NLN: variants seen among roughly 807,000 people sequenced by gnomAD.
The protein encoded by NLN is neurolysin.
A neutral mutation model predicts 79.9 loss-of-function variants in NLN; 64 were observed. The ratio of observed to expected loss-of-function variants is 0.80; its 90% CI spans 0.65 to 0.99. The LOEUF is 0.99. Ranked by LOEUF, NLN falls within the 50% of genes least tolerant of loss-of-function variation. The probability of loss-of-function intolerance (pLI) is 0.00; values close to 1 mark genes in which losing one functional copy is unlikely to be tolerated. For missense variants in NLN, 835 were observed against 858.7 expected (o/e 0.97, Z 0.34); for synonymous variants, 267 against 296.6 (o/e 0.90, Z 1.02).
chr5:65,787,288 G>A (rs190955262), intron 7 of NLN, among the ~76,000 whole-genome samples: 8 of 151,140 alleles, frequency 5.3e-5, no homozygotes, highest in Non-Finnish European at 1.0e-4. Flanking sequence ...ACATACATGC[G>A]CACACACAGA....
chr5:65,783,215 A>G (rs1397094527), intron 6 of NLN, among the ~76,000 whole-genome samples: 1 of 152,200 alleles, frequency 6.6e-6, no homozygotes, highest in Non-Finnish European at 1.5e-5. Context: ...TTAGAAACAG[A>G]TGATGGTAGT....
chr5:65,758,609 A>C lies in NLN; in HGVS notation c.84A>C (p.Arg28Ser). The C allele has an allele frequency of 6.2e-7, 1 of 1,610,362 alleles. No individual in the cohort carries two copies. Among genetic ancestry groups the C allele is most frequent in the South Asian group, 1.1e-5 (1 of 90,972 alleles). Residue 28 changes from arginine (R) to serine (S), a missense_variant, in exon 2 of 13, where the codon AGA (arginine) becomes AGC (serine). Transcript: ENST00000380985. ...SRILLRMTLG[R>S]EVMSPLQAMS... is the part of the protein sequence containing the mutation. The stretch of plus-strand genomic sequence containing the variant: ...TTTTACTCAGAATGACGTTAGGAAG[A>C]GAAGTGATGTCTCCTCTTCAGGCAA...
At chr5:65,762,458 G>A (rs1212608778) in intron 2 of NLN, among the ~76,000 whole-genome samples, 2 of 152,184 alleles carry the variant, frequency 1.3e-5, no homozygotes, top group Non-Finnish European at 2.9e-5. Context: ...GCTGAGGTGG[G>A]AGGATGACTT....
intron 1 of NLN, among the ~76,000 whole-genome samples, chr5:65,745,788 T>G (rs756864769): frequency 6.6e-6 from 1 of 152,014 alleles, no homozygotes; most frequent in Non-Finnish European, 1.5e-5. Context: ...TGAAAGGGAG[T>G]GTCATGATCA....
chr5:65,772,134 A>G (rs1402662218), intron 3 of NLN, among the ~76,000 whole-genome samples: 3 of 152,134 alleles, frequency 2.0e-5, no homozygotes, highest in East Asian at 1.9e-4. Context: ...TAAAGCATCA[A>G]TTACCTTGGC....
Position 65,812,276 on chromosome 5 carries a change from T to G in NLN, c.1865T>G (p.Phe622Cys). 1 of 1,613,426 alleles carries G rather than the reference T, an allele frequency of 6.2e-7. No individual in the cohort carries two copies. The highest frequency in any genetic ancestry group is 1.1e-5 in the South Asian group (1 of 91,034). ...AAAGGCACAAATATGCCAGCTACCT[T>G]TGGACATTTGGCAGGGGGATACGAT... is the stretch of plus-strand genomic sequence containing the variant. ...ATPGTNMPAT[F>C]GHLAGGYDGQ... The change falls in exon 12 of 13, where the codon TTT becomes TGT. Residue 622 changes from phenylalanine (F) to cysteine (C), a missense_variant. Phe to Cys is a radical substitution (Grantham distance 205). Transcript: ENST00000380985.
At chr5:65,722,595 C>G (rs376947582) in intron 1 of NLN, among the ~76,000 whole-genome samples, 181 bp downstream of exon 1, 7 of 152,232 alleles carry the variant, frequency 4.6e-5, no homozygotes, top group African/African-American at 1.7e-4. Flanking sequence ...CCTGGGGCCA[C>G]CTTTCCCGCC....
chr5:65,823,208 A>C lies in NLN; in HGVS notation c.*293A>C. 3.8e-6 allele frequency: 1 copy of C among 259,896 alleles called. No homozygotes were observed. The highest frequency in any genetic ancestry group is 7.4e-6 in the Non-Finnish European group (1 of 135,628). The allele number at this position is 259,896 out of a possible 1,614,324, so 16.1% of individuals were successfully genotyped here. A position where few individuals can be genotyped will look rare whatever the true frequency, so the allele number is the denominator to read the frequency against. On this transcript the variant is annotated 3_prime_UTR_variant, in exon 13 of 13. Transcript: ENST00000380985. ...TTGATTTTTTACTATTATAATCTAG[A>C]TAATATGATATAAGAGGGCTAAGAA...
At chr5:65,820,857 C>T (rs926591857) in intron 12 of NLN, among the ~76,000 whole-genome samples, 1 of 151,954 alleles carries the variant, frequency 6.6e-6, no homozygotes, top group Non-Finnish European at 1.5e-5. Flanking sequence ...GCCTGGCCAA[C>T]ATCGCAAAAC....
chr5:65,810,930 G>C (rs1347125168), intron 11 of NLN, among the ~76,000 whole-genome samples: 1 of 152,130 alleles, frequency 6.6e-6, no homozygotes, highest in Non-Finnish European at 1.5e-5. Flanking sequence ...AGCGAGCCAT[G>C]ATTGCACCAC....
At chr5:65,820,490 A>G (rs1482123863) in intron 12 of NLN, among the ~76,000 whole-genome samples, 1 of 152,216 alleles carries the variant, frequency 6.6e-6, no homozygotes, top group Non-Finnish European at 1.5e-5. Flanking sequence ...CAGAGAGCAC[A>G]GTCTTTCCAT....
intron 1 of NLN, among the ~76,000 whole-genome samples, chr5:65,738,573 CA>C (rs913634849): frequency 2.0e-5 from 3 of 151,510 alleles, no homozygotes; most frequent in African/African-American, 7.3e-5. Context: ...ATCCTGTTTC[CA>C]AAAAAATAAA....
At position 65,722,211 on chromosome 5, in the gene NLN, C is replaced by CGGCGT. The variant is rs1323473188; in HGVS notation, c.-160_-156dup. The CGGCGT allele has an allele frequency of 5.5e-6, 2 of 361,984 alleles. No individual in the cohort carries two copies. Among genetic ancestry groups the CGGCGT allele is most frequent in the Admixed American group, 9.9e-5 (2 of 20,232 alleles). 22.4% of individuals were successfully genotyped at this position (361,984 alleles called of 1,614,324 possible). A position where few individuals can be genotyped will look rare whatever the true frequency, so the allele number is the denominator to read the frequency against. On this transcript the variant is annotated 5_prime_UTR_variant, in exon 1 of 13. Coordinates refer to ENST00000380985, the MANE Select transcript of NLN (RefSeq NM_020726.5). ...GGCGCGGGGCGGGGCTGGTAGGCGCCGGCGTGGAGCTGCCGCACGTGGGAG... is the reference window on the plus strand; with the variant it reads ...GGCGCGGGGCGGGGCTGGTAGGCGCCGGCGTGGCGTGGAGCTGCCGCACGTGGGAG...
chr5:65,822,638 T>A, intron 12 of NLN, 143 bp from the exon 13 acceptor site: 1 of 651,996 alleles, frequency 1.5e-6, no homozygotes, highest in South Asian at 1.8e-5. Flanking sequence ...ACTACAGAGC[T>A]GTTTGTGAGC....
At chr5:65,773,127 AT>A (rs757202934) in intron 3 of NLN, among the ~76,000 whole-genome samples, 59 of 96,592 alleles carry the variant, frequency 6.1e-4, no homozygotes, top group East Asian at 1.9e-3. Context: ...CCTGAATTCT[AT>A]TTTTTTTTTT....
intron 5 of NLN, 95 bp from the exon 6 acceptor site, chr5:65,781,166 C>A: frequency 2.9e-6 from 2 of 696,384 alleles, no homozygotes; most frequent in Non-Finnish European, 4.9e-6. Context: ...AATTACTACA[C>A]AAAATTCCTA....
chr5:65,757,165 C>T (rs1352316632), intron 1 of NLN, among the ~76,000 whole-genome samples: 2 of 152,172 alleles, frequency 1.3e-5, no homozygotes, highest in African/African-American at 2.4e-5. Flanking sequence ...AGTACATGCT[C>T]ATAAATATTA....
At chr5:65,798,795 T>C (rs1391867480) in intron 9 of NLN, among the ~76,000 whole-genome samples, 1 of 152,268 alleles carries the variant, frequency 6.6e-6, no homozygotes, top group African/African-American at 2.4e-5. Context: ...GGAATGTGCT[T>C]ATTTCTTTCA....
chr5:65,728,138 A>G lies in NLN; in HGVS notation c.41+5724A>G, dbSNP rs76819566. Among the ~76,000 whole-genome samples the G allele has an allele frequency of 1.2e-3, 180 of 152,334 alleles. 2 individuals are homozygous for G. The East Asian group carries it at 0.03, about 26-fold the overall frequency. ...TTCATTATTGAAAACTTAGCAAGTA[A>G]TGACAAGCAAAAGAAAATATTAAAT... On this transcript the variant is annotated intron_variant, in intron 1 of 12. Coordinates refer to ENST00000380985, the MANE Select transcript of NLN (RefSeq NM_020726.5).
Sources: allele counts gnomAD v4.1 joint callset (sites outside exome capture counted in the v4.1 genomes callset), GRCh38; gene constraint gnomAD v4.1.1; transcripts MANE v1.5; gene names NCBI Gene and HGNC (gene_info 2026-07-23, HGNC 2026-07-21).